Variants in STX1B observed in about 807,000 individuals in gnomAD.
The protein encoded by STX1B is syntaxin 1B.
In STX1B, 7 loss-of-function variants were observed where a neutral mutation model predicts 39.4. That is an observed-to-expected ratio of 0.18 (90% CI 0.10 to 0.33). The LOEUF is 0.33. Ranked by LOEUF, STX1B falls within the 10% of genes least tolerant of loss-of-function variation. The probability of loss-of-function intolerance (pLI) is 1.00; values close to 1 mark genes in which losing one functional copy is unlikely to be tolerated. For synonymous variants in STX1B, 136 were observed against 144.1 expected (o/e 0.94, Z 0.40); for missense variants, 198 against 383.2 (o/e 0.52, Z 4.04).
chr16:31,003,592 TC>T (rs1050780971), intron 1 of STX1B, among the ~76,000 whole-genome samples: 25 of 152,140 alleles, frequency 1.6e-4, no homozygotes, highest in Admixed American at 1.1e-3. Context: ...TCTGTGTCTC[TC>T]CCTTCCCCAT....
chr16:31,005,007 G>C (rs532111267), intron 1 of STX1B, among the ~76,000 whole-genome samples: 2 of 152,204 alleles, frequency 1.3e-5, no homozygotes, highest in Non-Finnish European at 2.9e-5. Context: ...CCTGCAGCCA[G>C]GACAGAAAAT....
At chr16:31,000,418 G>A (rs1276325120) in intron 4 of STX1B, among the ~76,000 whole-genome samples, 13 of 148,312 alleles carry the variant, frequency 8.8e-5, no homozygotes, top group African/African-American at 2.7e-4. Context: ...CTGCAGCCTC[G>A]ACCCCCTGGG....
chr16:30,993,562 A>C (rs2056575096), intron 7 of STX1B, 78 bp from the exon 8 acceptor site: 1 of 1,540,214 alleles, frequency 6.5e-7, no homozygotes, highest in Non-Finnish European at 8.9e-7. Flanking sequence ...GGCCAGGGTC[A>C]AATCCGGTGT....
At chr16:31,005,274 G>A (rs1219752720) in intron 1 of STX1B, among the ~76,000 whole-genome samples, 1 of 152,102 alleles carries the variant, frequency 6.6e-6, no homozygotes, top group Non-Finnish European at 1.5e-5. Flanking sequence ...AAGAAAGCAG[G>A]CTGTGGGCAA....
At chr16:31,006,162 C>G (rs531572377) in intron 1 of STX1B, among the ~76,000 whole-genome samples, 2 of 152,230 alleles carry the variant, frequency 1.3e-5, no homozygotes, top group African/African-American at 4.8e-5. Flanking sequence ...CTGACACACA[C>G]GGGCTTCCCA....
At chr16:30,993,030 G>A in intron 9 of STX1B, 100 bp downstream of exon 9, 1 of 1,359,840 alleles carries the variant, frequency 7.4e-7, no homozygotes, top group Admixed American at 1.7e-5. Flanking sequence ...GAAGAGGTCA[G>A]AGCCAGAGAT....
At chr16:30,995,253 C>G (rs2056586239) in intron 7 of STX1B, among the ~76,000 whole-genome samples, 1 of 152,118 alleles carries the variant, frequency 6.6e-6, no homozygotes, top group South Asian at 2.1e-4. Context: ...GCTGGGATTA[C>G]AGATGTGAGC....
intron 1 of STX1B, among the ~76,000 whole-genome samples, chr16:31,008,253 A>T (rs1327153803): frequency 9.6e-6 from 1 of 103,696 alleles, no homozygotes; most frequent in Non-Finnish European, 1.8e-5. Context: ...CCCCTCTTGA[A>T]TCTCCAGTTT....
At chr16:31,000,802 T>C (rs931782082) in intron 4 of STX1B, 126 bp downstream of exon 4, 4 of 921,908 alleles carry the variant, frequency 4.3e-6, no homozygotes, top group Non-Finnish European at 6.8e-6. Flanking sequence ...TTTTGCCATG[T>C]TGCCCAGGCT....
chr16:30,997,111 G>T (rs1426890897), intron 5 of STX1B, 52 bp from the exon 6 acceptor site: 2 of 1,317,082 alleles, frequency 1.5e-6, no homozygotes, highest in African/African-American at 1.4e-5. Flanking sequence ...CAGGGATCAG[G>T]GAGGGAGTCA....
rs528059740 is a variant in STX1B, at chr16:30,993,954, C to T, written c.538-470G>A. 6.6e-5 allele frequency among the ~76,000 whole-genome samples: 10 copies of T among 151,014 alleles called. No individual in the cohort carries two copies. In the East Asian group the frequency reaches 2.0e-3, roughly 29 times the overall value. ...TGAGCTGAGATCACGCCACTGCACT[C>T]CAGCCTGGGCAACAAGAGTGAAATT... On this transcript the variant is annotated intron_variant, in intron 7 of 9. Transcript: ENST00000215095.
chr16:31,001,485 T>G lies in STX1B; in HGVS notation c.105+44A>C, dbSNP rs1442641671. 4.4e-6 allele frequency: 6 copies of G among 1,366,092 alleles called. No homozygotes were observed. The highest frequency in any genetic ancestry group is 3.3e-5 in the African/African-American group (2 of 59,740). 84.6% of individuals were successfully genotyped at this position (1,366,092 alleles called of 1,614,324 possible). A position where few individuals can be genotyped will look rare whatever the true frequency, so the allele number is the denominator to read the frequency against. ...GGTGGGACTAGGGGCTGGGGCTGGG[T>G]GCTGGGGCTGGGGCTGGGGCTGGGG... is the stretch of plus-strand genomic sequence containing the variant. On this transcript the variant is annotated intron_variant, in intron 2 of 9. Transcript: ENST00000215095. The surrounding 1 kb of genome is among the most constrained non-coding windows in gnomAD (Gnocchi z 5.5).
rs2056627038 is a variant in STX1B at position 31,001,272 on chromosome 16, G to C, written c.106-79C>G. ...TCCAGGGGAACCAGCCAGGGTTCAGGGGAATGGACCAGCCCCAGAACGGCT... is the reference window on the plus strand; with the variant it reads ...TCCAGGGGAACCAGCCAGGGTTCAGCGGAATGGACCAGCCCCAGAACGGCT... On this transcript the variant is annotated intron_variant, in intron 2 of 9. Coordinates refer to ENST00000215095, the MANE Select transcript of STX1B (RefSeq NM_052874.5). The surrounding 1 kb of genome is among the most constrained non-coding windows in gnomAD (Gnocchi z 5.5). 18 of 1,397,008 alleles carry C rather than the reference G, an allele frequency of 1.3e-5. No homozygotes were observed. The highest frequency in any genetic ancestry group is 1.7e-5 in the Non-Finnish European group (17 of 997,962). The allele number at this position is 1,397,008 out of a possible 1,614,324, so 86.5% of individuals were successfully genotyped here. A position where few individuals can be genotyped will look rare whatever the true frequency, so the allele number is the denominator to read the frequency against.
chr16:30,995,214 G>A (rs2056585959), intron 7 of STX1B, among the ~76,000 whole-genome samples: 1 of 152,124 alleles, frequency 6.6e-6, no homozygotes, highest in Non-Finnish European at 1.5e-5. Flanking sequence ...CTGGGCTCAA[G>A]CCCTCCATCC....
At chr16:30,995,612 C>A (rs2056587820) in intron 7 of STX1B, among the ~76,000 whole-genome samples, 1 of 151,948 alleles carries the variant, frequency 6.6e-6, no homozygotes, top group South Asian at 2.1e-4. Context: ...CTGCCTCAGC[C>A]CCCTAGTAGC....
At chr16:31,005,194 C>T (rs1225059523) in intron 1 of STX1B, among the ~76,000 whole-genome samples, 1 of 152,202 alleles carries the variant, frequency 6.6e-6, no homozygotes, top group Admixed American at 6.5e-5. Context: ...AAGGGCCCTC[C>T]GTGCTCTGAG....
chr16:31,000,131 G>A (rs1483637656), intron 4 of STX1B, among the ~76,000 whole-genome samples: 1 of 151,404 alleles, frequency 6.6e-6, no homozygotes, highest in African/African-American at 2.4e-5. Flanking sequence ...CCAAGTGGCT[G>A]GGATTACAGG....
chr16:30,994,588 GAAAA>G (rs563043482), intron 7 of STX1B, among the ~76,000 whole-genome samples: 2 of 127,892 alleles, frequency 1.6e-5, no homozygotes, highest in African/African-American at 2.9e-5. Context: ...AGACCATGCT[GAAAA>G]AAAAAAAAAA....
rs536678216 is a variant in STX1B at position 31,000,956 on chromosome 16, C to T, written c.252G>A (p.Thr84=). Residue 84 remains threonine (T), a synonymous_variant, in exon 4 of 10, where the codon ACG becomes ACA. Coordinates refer to ENST00000215095, the MANE Select transcript of STX1B (RefSeq NM_052874.5). The part of the protein sequence containing the change: ...LEDLTADIKK[T]ANKVRSKLKA... ...TCAATTTGGACCGAACCTTGTTGGC[C>T]GTCTTCTTGATGTCTGCAGTGAGAT... 7.4e-6 allele frequency: 12 copies of T among 1,614,112 alleles called. No individual in the cohort carries two copies. The highest frequency in any genetic ancestry group is 4.4e-5 in the South Asian group (4 of 91,088).
Sources: gnomAD v4.1 joint callset for allele counts (sites outside exome capture counted in the v4.1 genomes callset) on GRCh38, gnomAD v4.1.1 for gene constraint, Gnocchi (gnomAD v3.1) non-coding constraint, MANE v1.5 for transcripts, NCBI Gene and HGNC (gene_info 2026-07-23, HGNC 2026-07-21) for gene names.